Variants in SORCS1 observed in about 807,000 individuals in gnomAD.
SORCS1 encodes the protein VPS10 domain-containing receptor SorCS1.
A neutral mutation model predicts 146.1 loss-of-function variants in SORCS1; 60 were observed. The ratio of observed to expected loss-of-function variants is 0.41; its 90% confidence interval spans 0.33 to 0.51. The LOEUF (loss-of-function observed/expected upper bound fraction) is 0.51. Among genes scored for constraint, SORCS1 ranks in the 20% least tolerant of loss-of-function variants. The probability of loss-of-function intolerance (pLI) is 0.21; values close to 1 mark genes in which losing one functional copy is unlikely to be tolerated. For missense variants in SORCS1, 1,352 were observed against 1,487.6 expected, an observed-to-expected ratio of 0.91 and a Z score of 1.50; for synonymous variants, 637 against 584.0, an observed-to-expected ratio of 1.09 and a Z score of -1.31.
chr10:106,997,280 C>G (rs886714270), intron 1 of SORCS1, among the ~76,000 whole-genome samples: 2 of 152,200 alleles, frequency 1.3e-5, no homozygotes, highest in Admixed American at 1.3e-4. Flanking sequence ...GAGCCACACT[C>G]TGTGTGCCTG....
intron 3 of SORCS1, among the ~76,000 whole-genome samples, chr10:106,810,268 G>A (rs1254552130): frequency 6.6e-6 from 1 of 152,106 alleles, no homozygotes; most frequent in Non-Finnish European, 1.5e-5. Context: ...TAGCCCACTA[G>A]TCCAAGCTGC....
At chr10:106,955,547 G>GA (rs1954896804) in intron 2 of SORCS1, among the ~76,000 whole-genome samples, 1 of 152,196 alleles carries the variant, frequency 6.6e-6, no homozygotes, top group African/African-American at 2.4e-5. Flanking sequence ...AAGAGGCACT[G>GA]AAAAAATCCT....
In SORCS1 at chr10:107,140,364, CAT is replaced by C. The variant is rs148798437; in HGVS notation, c.558+23603_558+23604del. ...AAAATTCAAACTTCTAATTTCATGACATGTGCAGTTTTATTGTCAGCAATAAT... is the reference window on the plus strand; with the variant it reads ...AAAATTCAAACTTCTAATTTCATGACGTGCAGTTTTATTGTCAGCAATAAT... On this transcript the variant is annotated intron_variant, in intron 1 of 25. Transcript: ENST00000263054. Among the ~76,000 whole-genome samples, 442 of 152,306 alleles carry C rather than the reference CAT, an allele frequency of 2.9e-3. 2 individuals are homozygous for C. Among genetic ancestry groups the C allele is most frequent in the African/African-American group, 9.1e-3 (377 of 41,572 alleles).
At chr10:106,894,527 C>T (rs1452399057) in intron 2 of SORCS1, among the ~76,000 whole-genome samples, 1 of 151,832 alleles carries the variant, frequency 6.6e-6, no homozygotes, top group African/African-American at 2.4e-5. Context: ...AAAAATAAAC[C>T]CCAAGGCTGA....
At chr10:106,800,127 C>T (rs1197396024) in intron 3 of SORCS1, among the ~76,000 whole-genome samples, 1 of 152,134 alleles carries the variant, frequency 6.6e-6, no homozygotes, top group Non-Finnish European at 1.5e-5. Context: ...TGCACTGCTA[C>T]AGCTGGATAT....
At chr10:107,077,672 G>A (rs1444570972) in intron 1 of SORCS1, among the ~76,000 whole-genome samples, 2 of 151,142 alleles carry the variant, frequency 1.3e-5, no homozygotes, top group Non-Finnish European at 2.9e-5. Flanking sequence ...AAATGCAGAG[G>A]TGAGTCCCTG....
chr10:107,130,736 TTC>T (rs1407130992), intron 1 of SORCS1, among the ~76,000 whole-genome samples: 4 of 152,120 alleles, frequency 2.6e-5, no homozygotes, highest in Non-Finnish European at 5.9e-5. Flanking sequence ...GCAGAAAGTT[TTC>T]TTTTTTTTTT....
At chr10:106,737,694 C>T (rs1228868132) in intron 5 of SORCS1, among the ~76,000 whole-genome samples, 4 of 151,950 alleles carry the variant, frequency 2.6e-5, no homozygotes, top group African/African-American at 7.3e-5. Flanking sequence ...CACTGCACTC[C>T]CCTACCCACC....
chr10:107,048,930 C>A (rs1281415846), intron 1 of SORCS1, among the ~76,000 whole-genome samples: 1 of 151,974 alleles, frequency 6.6e-6, no homozygotes, highest in African/African-American at 2.4e-5. Context: ...AGAATAGCAA[C>A]ACATTGAGGG....
intron 6 of SORCS1, among the ~76,000 whole-genome samples, chr10:106,719,264 C>CCAG (rs1233815856): frequency 6.6e-6 from 1 of 152,058 alleles, no homozygotes; most frequent in East Asian, 1.9e-4. Flanking sequence ...AGTTTCTTCT[C>CCAG]CAGGTGTTTT....
chr10:106,604,295 T>G (rs1202805891), intron 23 of SORCS1, among the ~76,000 whole-genome samples: 2 of 152,162 alleles, frequency 1.3e-5, no homozygotes, highest in African/African-American at 4.8e-5. Flanking sequence ...ACCCATAAAG[T>G]TAAGTGATTA....
At chr10:106,692,170 T>G (rs1853343285) in intron 9 of SORCS1, among the ~76,000 whole-genome samples, 1 of 152,076 alleles carries the variant, frequency 6.6e-6, no homozygotes, top group Non-Finnish European at 1.5e-5. Flanking sequence ...GCCTTCCAAG[T>G]AGCTGAGACT....
intron 2 of SORCS1, among the ~76,000 whole-genome samples, chr10:106,857,603 C>T (rs1482437234): frequency 6.6e-6 from 1 of 152,202 alleles, no homozygotes; most frequent in Non-Finnish European, 1.5e-5. Flanking sequence ...ACAGACTCTG[C>T]TCCTTAATAA....
chr10:106,742,542 G>A (rs1233282966), intron 5 of SORCS1, among the ~76,000 whole-genome samples: 2 of 152,000 alleles, frequency 1.3e-5, no homozygotes, highest in Non-Finnish European at 2.9e-5. Flanking sequence ...ACCACACCCG[G>A]CTAATTTTTG....
At chr10:106,913,652 C>T (rs1952271930) in intron 2 of SORCS1, among the ~76,000 whole-genome samples, 1 of 152,116 alleles carries the variant, frequency 6.6e-6, no homozygotes, top group African/African-American at 2.4e-5. Flanking sequence ...GCTTCAACTC[C>T]TGCTGAGCTT....
chr10:106,967,670 C>T (rs1477810190), intron 1 of SORCS1, among the ~76,000 whole-genome samples: 1 of 152,174 alleles, frequency 6.6e-6, no homozygotes, highest in Non-Finnish European at 1.5e-5. Context: ...ATATCTTGCG[C>T]AAGCCCATTG....
chr10:106,648,001 G>A (rs926075417), intron 18 of SORCS1, among the ~76,000 whole-genome samples: 1 of 151,942 alleles, frequency 6.6e-6, no homozygotes, highest in Non-Finnish European at 1.5e-5. Flanking sequence ...CCAAGTAGCT[G>A]GGACCACAGA....
intron 1 of SORCS1, among the ~76,000 whole-genome samples, chr10:107,013,329 T>TA (rs902599276): frequency 6.6e-6 from 1 of 151,966 alleles, no homozygotes; most frequent in Non-Finnish European, 1.5e-5. Flanking sequence ...TTGCAGAAGT[T>TA]AAAATAAATG....
At chr10:106,620,207 TAG>T in intron 20 of SORCS1, 1 of 467,744 alleles carries the variant, frequency 2.1e-6, no homozygotes, top group East Asian at 3.9e-5. Flanking sequence ...AACGTAAACA[TAG>T]AGGAAGGCAG....
Sources: gnomAD v4.1 joint callset for allele counts (sites outside exome capture counted in the v4.1 genomes callset) on GRCh38, gnomAD v4.1.1 for gene constraint, MANE v1.5 for transcripts, NCBI Gene and HGNC (gene_info 2026-07-23, HGNC 2026-07-21) for gene names.